CNTNAP2: variants seen among roughly 807,000 people sequenced by gnomAD.
The protein encoded by CNTNAP2 is contactin-associated protein-like 2.
Under a neutral mutation model 155.2 loss-of-function variants are expected in CNTNAP2, and 98 were observed. The observed-to-expected ratio is 0.63, with a 90% confidence interval of 0.54 to 0.75. The LOEUF (loss-of-function observed/expected upper bound fraction) is 0.75. Ranked by LOEUF, CNTNAP2 falls within the 30% of genes least tolerant of loss-of-function variation. The pLI is 0.00. For missense variants in CNTNAP2, 1,727 were observed against 1,688.1 expected (o/e 1.02, Z -0.40); for synonymous variants, 651 against 631.2 (o/e 1.03, Z -0.47).
chr7:147,520,252 T>C (rs1312260364), intron 11 of CNTNAP2, among the ~76,000 whole-genome samples: 3 of 152,162 alleles, frequency 2.0e-5, no homozygotes, highest in Non-Finnish European at 4.4e-5. Context: ...GTATTTCAGA[T>C]CAAAGATACT....
chr7:148,163,022 A>G lies in CNTNAP2; in HGVS notation c.2774-9220A>G, dbSNP rs141327449. Among the ~76,000 whole-genome samples the G allele has an allele frequency of 1.2e-3, 190 of 152,254 alleles. 1 individual carries two copies. The highest frequency in any genetic ancestry group is 4.2e-3 in the African/African-American group (176 of 41,546). ...AAAAAAAATAAATAAATATAAGACAATGTTCTGGCAGGTGGTAAATGTCTT... is the reference window on the plus strand; with the variant it reads ...AAAAAAAATAAATAAATATAAGACAGTGTTCTGGCAGGTGGTAAATGTCTT... On this transcript the variant is annotated intron_variant, in intron 17 of 23. Coordinates refer to ENST00000361727, the MANE Select transcript of CNTNAP2 (RefSeq NM_014141.6).
At chr7:147,035,210 A>G (rs1482275325) in intron 3 of CNTNAP2, among the ~76,000 whole-genome samples, 1 of 152,158 alleles carries the variant, frequency 6.6e-6, no homozygotes, top group Admixed American at 6.5e-5. Context: ...TGAGTCCTAC[A>G]AGATGTGGAA....
At chr7:147,737,166 G>A (rs1434858221) in intron 13 of CNTNAP2, among the ~76,000 whole-genome samples, 1 of 152,052 alleles carries the variant, frequency 6.6e-6, no homozygotes, top group Non-Finnish European at 1.5e-5. Context: ...ATCTACCTTT[G>A]GTGTTTGATG....
At chr7:146,144,273 C>A (rs1195570185) in intron 1 of CNTNAP2, among the ~76,000 whole-genome samples, 1 of 151,960 alleles carries the variant, frequency 6.6e-6, no homozygotes. Context: ...CGCCTCAGCC[C>A]CTCAAGTAGC....
chr7:147,067,005 G>A (rs1342959563), intron 4 of CNTNAP2, among the ~76,000 whole-genome samples: 2 of 152,062 alleles, frequency 1.3e-5, no homozygotes, highest in African/African-American at 4.8e-5. Context: ...TCTTAAGGTG[G>A]GACTAGGCTG....
chr7:147,778,916 T>C (rs1346612063), intron 13 of CNTNAP2, among the ~76,000 whole-genome samples: 1 of 152,236 alleles, frequency 6.6e-6, no homozygotes, highest in African/African-American at 2.4e-5. Context: ...TGACCTCTTA[T>C]AGTACTCTAT....
intron 10 of CNTNAP2, among the ~76,000 whole-genome samples, chr7:147,406,683 C>A (rs1490357248): frequency 6.6e-6 from 1 of 152,120 alleles, no homozygotes; most frequent in Non-Finnish European, 1.5e-5. Flanking sequence ...TTTACCAAAT[C>A]CTGCTTACAT....
intron 3 of CNTNAP2, among the ~76,000 whole-genome samples, chr7:146,920,828 C>A (rs1456243226): frequency 6.6e-6 from 1 of 152,066 alleles, no homozygotes; most frequent in Non-Finnish European, 1.5e-5. Context: ...AAATAGTTTC[C>A]TTTTTTCTAA....
In CNTNAP2 at chr7:148,355,295, C is replaced by T. The variant is rs1403476710; in HGVS notation, c.3476-28354C>T. The stretch of plus-strand genomic sequence containing the variant: ...CTCCCAGGTTCACGCCATTCTCCTG[C>T]CTCAGCCTCCGGAGTAAGCCCCCAG... On this transcript the variant is annotated intron_variant, in intron 21 of 23. Coordinates refer to ENST00000361727, the MANE Select transcript of CNTNAP2 (RefSeq NM_014141.6). Among the ~76,000 whole-genome samples, 12 of 148,984 alleles carry T rather than the reference C, an allele frequency of 8.1e-5. No individual in the cohort carries two copies. The Admixed American group carries it at 8.2e-4, about 10-fold the overall frequency.
intron 1 of CNTNAP2, among the ~76,000 whole-genome samples, chr7:146,639,970 C>T (rs1324014511): frequency 6.6e-6 from 1 of 152,146 alleles, no homozygotes; most frequent in Non-Finnish European, 1.5e-5. Flanking sequence ...GAAGCTTCAC[C>T]ATTGAGGATG....
chr7:146,674,089 G>A (rs1494458), intron 1 of CNTNAP2, among the ~76,000 whole-genome samples: 123,120 of 152,166 alleles, frequency 0.81, 50,417 homozygotes, highest in South Asian at 0.91. Flanking sequence ...AAACATTTGC[G>A]TAATGAAAGA....
At chr7:147,652,334 T>C (rs563012474) in intron 13 of CNTNAP2, among the ~76,000 whole-genome samples, 2 of 152,304 alleles carry the variant, frequency 1.3e-5, no homozygotes, top group African/African-American at 4.8e-5. Context: ...TATAAAAACA[T>C]GCTCAGGTAT....
At chr7:148,140,411 T>G (rs925372965) in intron 16 of CNTNAP2, among the ~76,000 whole-genome samples, 1 of 149,690 alleles carries the variant, frequency 6.7e-6, no homozygotes, top group Non-Finnish European at 1.5e-5. Context: ...GCCCCATCTT[T>G]TTTCTTTTTC....
chr7:147,179,378 C>T (rs191810108), intron 8 of CNTNAP2, among the ~76,000 whole-genome samples: 10 of 152,190 alleles, frequency 6.6e-5, no homozygotes, highest in South Asian at 6.2e-4. Flanking sequence ...TATAATGAAA[C>T]AAGCCTACAG....
At chr7:146,908,635 G>T (rs1234164227) in intron 3 of CNTNAP2, among the ~76,000 whole-genome samples, 1 of 126,964 alleles carries the variant, frequency 7.9e-6, no homozygotes, top group East Asian at 2.1e-4. Context: ...CAGAATCTCT[G>T]GGACGCATTC....
chr7:147,933,769 G>A (rs965116327), intron 14 of CNTNAP2, among the ~76,000 whole-genome samples: 12 of 152,114 alleles, frequency 7.9e-5, no homozygotes, highest in South Asian at 2.1e-4. Context: ...AGGCTGAGGT[G>A]GGAGAATCGA....
chr7:146,523,024 G>C (rs192006097), intron 1 of CNTNAP2, among the ~76,000 whole-genome samples: 1 of 151,598 alleles, frequency 6.6e-6, no homozygotes, highest in East Asian at 1.9e-4. Context: ...ATTTATTGGG[G>C]TACCGGTAGT....
rs1266068260 is a variant in CNTNAP2, at chr7:146,156,848, G to A, written c.97+39875G>A. Reference sequence around the variant, plus strand: ...GCTCTGGACCTCAGATAATCCACCCGCCTCGACCTCCCAAAAGTTCTGGGA... The same window carrying A: ...GCTCTGGACCTCAGATAATCCACCCACCTCGACCTCCCAAAAGTTCTGGGA... On this transcript the variant is annotated intron_variant, in intron 1 of 23. Coordinates refer to ENST00000361727, the MANE Select transcript of CNTNAP2 (RefSeq NM_014141.6). Among the ~76,000 whole-genome samples, 4 of 152,034 alleles carry A rather than the reference G, an allele frequency of 2.6e-5. No homozygotes were observed. In the East Asian group the frequency reaches 5.8e-4, roughly 22 times the overall value.
chr7:148,326,843 C>A lies in CNTNAP2; in HGVS notation c.3476-56806C>A, dbSNP rs1042803029. Among the ~76,000 whole-genome samples, 3 of 143,162 alleles carry A rather than the reference C, an allele frequency of 2.1e-5. No homozygotes were observed. In the South Asian group the frequency reaches 6.8e-4, roughly 32 times the overall value. The allele number at this position is 143,162 out of a possible 152,430, so 93.9% of individuals were successfully genotyped here. ...TCGTGCCACTGCTCTCCAGCCTGAGCGACAGAGCGAGACCCCGTCTCAAAA... is the reference window on the plus strand; with the variant it reads ...TCGTGCCACTGCTCTCCAGCCTGAGAGACAGAGCGAGACCCCGTCTCAAAA... On this transcript the variant is annotated intron_variant, in intron 21 of 23. Transcript: ENST00000361727.
Sources: allele counts gnomAD v4.1 joint callset (sites outside exome capture counted in the v4.1 genomes callset), GRCh38; gene constraint gnomAD v4.1.1; transcripts MANE v1.5; gene names NCBI Gene and HGNC (gene_info 2026-07-23, HGNC 2026-07-21).